OGT: variants seen among roughly 807,000 people sequenced by gnomAD.
The protein encoded by OGT is O-linked N-acetylglucosamine (GlcNAc) transferase, also known as UDP-N-acetylglucosamine--peptide N-acetylglucosaminyltransferase 110 kDa subunit.
OGT carries 3 observed loss-of-function variants against 75.8 expected under a neutral mutation model. The observed-to-expected ratio is 0.04, with a 90% confidence interval of 0.02 to 0.10. The LOEUF is 0.10. Ranked by LOEUF, OGT falls within the 10% of genes least tolerant of loss-of-function variation. The pLI is 1.00. For synonymous variants in OGT, 257 were observed against 289.7 expected (o/e 0.89, Z 1.15); for missense variants, 260 against 824.4 (o/e 0.32, Z 8.38).
chrX:71,557,787 G>A, intron 12 of OGT, 115 bp downstream of exon 12: 5 of 675,446 alleles, frequency 7.4e-6, no homozygotes, highest in South Asian at 3.3e-5. Flanking sequence ...CACCCAAGTC[G>A]AGAAATAAAA....
At chrX:71,534,639 T>A (rs1196090687) in intron 1 of OGT, among the ~76,000 whole-genome samples, 1 of 110,650 alleles carries the variant, frequency 9.0e-6, no homozygotes, top group East Asian at 2.8e-4. Flanking sequence ...TCCGTGCTCC[T>A]CTCCCCACGT....
intron 14 of OGT, 79 bp from the exon 15 acceptor site, chrX:71,561,696 A>G (rs1325765206): frequency 2.4e-6 from 2 of 824,887 alleles, no homozygotes; most frequent in Admixed American, 8.6e-5. Flanking sequence ...ATTAAAACTA[A>G]ATGCCATTAA....
intron 10 of OGT, 26 bp from the exon 11 acceptor site, chrX:71,557,169 A>G: frequency 8.3e-7 from 1 of 1,199,553 alleles, no homozygotes; most frequent in Non-Finnish European, 1.1e-6. Context: ...GAAATTTTTT[A>G]CCATCCTGCT....
intron 3 of OGT, among the ~76,000 whole-genome samples, chrX:71,544,250 G>C (rs1462563125): frequency 8.9e-6 from 1 of 111,956 alleles, no homozygotes. Flanking sequence ...ACCCAGAAAA[G>C]TCTGGAGCAG....
chrX:71,558,970 A>T, intron 12 of OGT, among the ~76,000 whole-genome samples: 1 of 87,690 alleles, frequency 1.1e-5, no homozygotes. Flanking sequence ...TTTAGTAGAG[A>T]TTGGATTTCA....
Position 71,561,888 on chromosome X carries a change from A to G in OGT, c.1965A>G (p.Pro655=), listed in dbSNP as rs1266066117. Residue 655 remains proline, a synonymous_variant, in exon 15 of 22, where the codon CCA becomes CCG. Coordinates refer to ENST00000373719, the MANE Select transcript of OGT (RefSeq NM_181672.3). ...GAAATGAGCTTTTTGCTCTCAGGCC[A>G]GCTCCTATTCAGGTAAACAAATTAA... is the stretch of plus-strand genomic sequence containing the variant. The part of the protein sequence containing the change: ...GARNELFALR[P]APIQAMWLGY... 1 of 1,197,493 alleles carries G rather than the reference A, an allele frequency of 8.4e-7. No individual in the cohort carries two copies. Among genetic ancestry groups the G allele is most frequent in the East Asian group, 3.0e-5 (1 of 33,272 alleles).
intron 21 of OGT, among the ~76,000 whole-genome samples, chrX:71,572,693 G>C (rs2040467200): frequency 9.0e-6 from 1 of 111,690 alleles, no homozygotes; most frequent in Non-Finnish European, 1.9e-5. Context: ...CTTGAGCTAA[G>C]GAGGTTCAGT....
intron 18 of OGT, among the ~76,000 whole-genome samples, chrX:71,564,232 A>G (rs2040402415): frequency 8.9e-6 from 1 of 112,109 alleles, no homozygotes; most frequent in Admixed American, 9.5e-5. Flanking sequence ...AAGCTCAGAA[A>G]CGGTGAGGAT....
chrX:71,570,751 T>A (rs926367174), intron 21 of OGT, among the ~76,000 whole-genome samples: 3 of 109,347 alleles, frequency 2.7e-5, no homozygotes, highest in Non-Finnish European at 5.7e-5. Context: ...AAAAAAAAAA[T>A]AAGATTCATG....
At chrX:71,554,687 C>A in intron 6 of OGT, 95 bp downstream of exon 6, 1 of 665,911 alleles carries the variant, frequency 1.5e-6, no homozygotes. Context: ...TCCATTGAAG[C>A]ATATTTGCCT....
At chrX:71,539,026 T>G (rs1443137999) in intron 3 of OGT, among the ~76,000 whole-genome samples, 1 of 112,246 alleles carries the variant, frequency 8.9e-6, no homozygotes, top group African/African-American at 3.2e-5. Context: ...CAGGGTTATG[T>G]GGCTTTCATG....
chrX:71,546,408 G>C, intron 4 of OGT: 1 of 754,285 alleles, frequency 1.3e-6, no homozygotes, highest in Non-Finnish European at 1.6e-6. Flanking sequence ...GGAGCTCGAG[G>C]CCTGGATCTA....
chrX:71,533,269 CTCT>C lies in OGT; in HGVS notation c.-29_-27del. ...TAGTGGCGGCAGCAGGACCAATTAC[CTCT>C]TTTTTGCTCTCCCTCGAGAAGCTCC... On this transcript the variant is annotated 5_prime_UTR_variant, in exon 1 of 22. Transcript: ENST00000373719. The C allele has an allele frequency of 8.4e-7, 1 of 1,188,150 alleles. No homozygotes were observed. The highest frequency in any genetic ancestry group is 1.1e-6 in the Non-Finnish European group (1 of 882,096).
At chrX:71,560,933 CT>C (rs1274625056) in intron 14 of OGT, among the ~76,000 whole-genome samples, 59 of 103,811 alleles carry the variant, frequency 5.7e-4, no homozygotes, top group Non-Finnish European at 6.0e-4. Context: ...ATTACTCACC[CT>C]TTTTTTTTTT....
chrX:71,560,600 A>G (rs1223980445), intron 14 of OGT, among the ~76,000 whole-genome samples: 1 of 112,061 alleles, frequency 8.9e-6, no homozygotes, highest in Non-Finnish European at 1.9e-5. Context: ...ATACATGTGT[A>G]TGTGTATATA....
At chrX:71,543,756 GTGTGTGTGTGTATATATATATA>G (rs1425550807) in intron 3 of OGT, among the ~76,000 whole-genome samples, 4 of 63,109 alleles carry the variant, frequency 6.3e-5, no homozygotes, top group African/African-American at 3.8e-4. Context: ...GTGTGTGTGT[GTGTGTGTGTGTATATATATATA>G]TATATATATA....
intron 21 of OGT, among the ~76,000 whole-genome samples, chrX:71,570,162 T>TC (rs1188848139): frequency 9.7e-6 from 1 of 102,936 alleles, no homozygotes; most frequent in African/African-American, 3.6e-5. Flanking sequence ...TGCCTCAGCC[T>TC]CCTGAGTAGC....
intron 3 of OGT, among the ~76,000 whole-genome samples, chrX:71,543,906 C>G (rs2040241826): frequency 9.2e-6 from 1 of 108,401 alleles, no homozygotes; most frequent in African/African-American, 3.4e-5. Flanking sequence ...CCTGCTTAAG[C>G]CTCCCAAATA....
chrX:71,560,069 CAGG>C (rs1471581492), intron 14 of OGT, among the ~76,000 whole-genome samples: 1 of 110,020 alleles, frequency 9.1e-6, no homozygotes, highest in African/African-American at 3.3e-5. Flanking sequence ...ATCATGAGGT[CAGG>C]AGATGAGACC....
Sources: gnomAD v4.1 joint callset for allele counts (sites outside exome capture counted in the v4.1 genomes callset) on GRCh38, gnomAD v4.1.1 for gene constraint, MANE v1.5 for transcripts, NCBI Gene and HGNC (gene_info 2026-07-23, HGNC 2026-07-21) for gene names.